NRP1: variants seen among roughly 807,000 people sequenced by gnomAD.
NRP1 encodes neuropilin-1.
In NRP1, 35 loss-of-function variants were observed where a neutral mutation model predicts 106.7. The ratio of observed to expected loss-of-function variants is 0.33; its 90% confidence interval spans 0.25 to 0.43. NRP1 has a LOEUF of 0.43. Ranked by LOEUF, NRP1 falls within the 20% of genes least tolerant of loss-of-function variation. The probability of loss-of-function intolerance (pLI) is 1.00; values close to 1 mark genes in which losing one functional copy is unlikely to be tolerated. For missense variants in NRP1, 1,024 were observed against 1,170.4 expected (o/e 0.87, Z 1.83); for synonymous variants, 437 against 417.9 (o/e 1.05, Z -0.56).
At chr10:33,183,906 G>A (rs1835843317) in intron 15 of NRP1, among the ~76,000 whole-genome samples, 1 of 152,218 alleles carries the variant, frequency 6.6e-6, no homozygotes, top group Non-Finnish European at 1.5e-5. Context: ...CCACTACAAT[G>A]TCTGGCAGCA....
intron 6 of NRP1, among the ~76,000 whole-genome samples, chr10:33,231,985 T>C (rs943643794): frequency 6.6e-6 from 1 of 152,208 alleles, no homozygotes; most frequent in Admixed American, 6.5e-5. Flanking sequence ...TGTATTGCTC[T>C]CTAAAGAATA....
rs1313410372 is a variant in NRP1, at chr10:33,180,105, TCA to T, written c.2741_2742del (p.Leu914GlnfsTer34). On this transcript the variant is annotated frameshift_variant, in exon 17 of 17. Coordinates refer to ENST00000374867, the MANE Select transcript of NRP1 (RefSeq NM_003873.7). LOFTEE classifies it high-confidence loss of function. ...GCCTCCGAATAAGTACTCTGTGTAT[TCA>T]GTTTGTCTTTTTTCAACTTCACACC... ...VDGVKLKKDK[L>X]NTQSTYSEA 2 of 1,614,168 alleles carry T rather than the reference TCA, an allele frequency of 1.2e-6. No homozygotes were observed. The highest frequency in any genetic ancestry group is 3.3e-5 in the Admixed American group (2 of 60,026).
chr10:33,227,736 T>G (rs1253364099), intron 6 of NRP1, among the ~76,000 whole-genome samples: 1 of 152,082 alleles, frequency 6.6e-6, no homozygotes, highest in Non-Finnish European at 1.5e-5. Flanking sequence ...GACTGAAATC[T>G]CGAGGGTCTG....
chr10:33,242,086 G>A (rs1252299827), intron 6 of NRP1, among the ~76,000 whole-genome samples: 1 of 152,150 alleles, frequency 6.6e-6, no homozygotes, highest in Admixed American at 6.5e-5. Context: ...GATAGTCGGA[G>A]CTGAATTTCA....
intron 2 of NRP1, among the ~76,000 whole-genome samples, chr10:33,315,218 G>A (rs1308174713): frequency 5.3e-5 from 8 of 152,212 alleles, no homozygotes; most frequent in Non-Finnish European, 1.5e-5. Flanking sequence ...TTGAGATGTA[G>A]CTAGAGCTAC....
intron 2 of NRP1, among the ~76,000 whole-genome samples, chr10:33,306,355 G>GGTATGT (rs1554808826): frequency 9.5e-5 from 14 of 148,026 alleles, no homozygotes; most frequent in Admixed American, 2.7e-4. Flanking sequence ...GGGTCAGAAG[G>GGTATGT]GTGTGTGTGT....
intron 6 of NRP1, among the ~76,000 whole-genome samples, chr10:33,235,723 A>G (rs1840501831): frequency 6.6e-6 from 1 of 152,238 alleles, no homozygotes; most frequent in Non-Finnish European, 1.5e-5. Context: ...AGAGGGAGAA[A>G]ATGAAATGGT....
At chr10:33,310,098 C>A (rs1314811993) in intron 2 of NRP1, among the ~76,000 whole-genome samples, 1 of 151,818 alleles carries the variant, frequency 6.6e-6, no homozygotes, top group Non-Finnish European at 1.5e-5. Context: ...CAGACGCCCG[C>A]CACCACGCCC....
chr10:33,321,316 T>TTTTC (rs1847490203), intron 2 of NRP1, among the ~76,000 whole-genome samples: 1 of 152,218 alleles, frequency 6.6e-6, no homozygotes, highest in African/African-American at 2.4e-5. Flanking sequence ...TTTTACCATC[T>TTTTC]TTTCTGTGAC....
intron 2 of NRP1, among the ~76,000 whole-genome samples, chr10:33,314,493 G>A (rs535780173): frequency 7.2e-5 from 11 of 152,294 alleles, no homozygotes; most frequent in East Asian, 3.9e-4. Flanking sequence ...GAAATATTGC[G>A]GAAAACTAAG....
intron 8 of NRP1, among the ~76,000 whole-genome samples, chr10:33,220,905 A>C (rs1184950591): frequency 6.7e-6 from 1 of 149,326 alleles, no homozygotes; most frequent in Non-Finnish European, 1.5e-5. Context: ...AGTCTCAAAA[A>C]AAAAAAAAAA....
At chr10:33,218,495 G>A (rs1363072651) in intron 8 of NRP1, among the ~76,000 whole-genome samples, 2 of 151,750 alleles carry the variant, frequency 1.3e-5, no homozygotes, top group Non-Finnish European at 2.9e-5. Flanking sequence ...ACAAGTGCAT[G>A]CCACCACACC....
At chr10:33,198,236 G>C (rs188909051) in intron 11 of NRP1, among the ~76,000 whole-genome samples, 2 of 150,902 alleles carry the variant, frequency 1.3e-5, no homozygotes, top group East Asian at 3.9e-4. Flanking sequence ...CCGCCTCCCA[G>C]GTTCAAGCGA....
rs1436706145 is a variant in NRP1, at chr10:33,274,626, A to G, written c.249-3770T>C. Among the ~76,000 whole-genome samples the G allele has an allele frequency of 2.6e-5, 4 of 152,250 alleles. No individual in the cohort carries two copies. In the East Asian group the frequency reaches 7.7e-4, roughly 29 times the overall value. On this transcript the variant is annotated intron_variant, in intron 2 of 16. Transcript: ENST00000374867. ...GAGTACAAGTGACCCCTGACTCTCT[A>G]CAGTGGAGATGGTTAATGGAAAGGA...
At chr10:33,267,664 C>A (rs1461912542) in intron 3 of NRP1, among the ~76,000 whole-genome samples, 1 of 151,964 alleles carries the variant, frequency 6.6e-6, no homozygotes, top group African/African-American at 2.4e-5. Context: ...GCCTGAAGAC[C>A]AAGGGAAGGA....
rs147168362 is a variant in NRP1, at chr10:33,184,560, C to T, written c.2431+1068G>A. Among the ~76,000 whole-genome samples, 3 of 152,270 alleles carry T rather than the reference C, an allele frequency of 2.0e-5. No homozygotes were observed. The East Asian group carries it at 5.8e-4, about 29-fold the overall frequency. ...TTACTACATGAAATACACATTTTTA[C>T]AGCAGTGTAGATATGGATGTGGGTA... On this transcript the variant is annotated intron_variant, in intron 15 of 16. Transcript: ENST00000374867.
intron 3 of NRP1, among the ~76,000 whole-genome samples, chr10:33,269,850 A>G (rs1183993678): frequency 1.3e-5 from 2 of 152,226 alleles, no homozygotes; most frequent in East Asian, 3.8e-4. Context: ...AGGATCTGTC[A>G]CTGTCTCCCA....
intron 6 of NRP1, among the ~76,000 whole-genome samples, chr10:33,249,813 G>C (rs1336336547): frequency 6.6e-6 from 1 of 151,940 alleles, no homozygotes; most frequent in Non-Finnish European, 1.5e-5. Flanking sequence ...CAGGCTCCTT[G>C]ACTTGTTTTT....
At chr10:33,238,944 T>A (rs970814767) in intron 6 of NRP1, among the ~76,000 whole-genome samples, 1 of 151,326 alleles carries the variant, frequency 6.6e-6, no homozygotes, top group South Asian at 2.1e-4. Flanking sequence ...TGTGTGCGCA[T>A]AGTTTTGCCA....
Sources: allele counts gnomAD v4.1 joint callset (sites outside exome capture counted in the v4.1 genomes callset), GRCh38; gene constraint gnomAD v4.1.1; transcripts MANE v1.5; gene names NCBI Gene and HGNC (gene_info 2026-07-23, HGNC 2026-07-21).